DCC: variants seen among roughly 807,000 people sequenced by gnomAD.
DCC encodes the protein DCC netrin 1 receptor.
Under a neutral mutation model 172.5 loss-of-function variants are expected in DCC, and 58 were observed. The ratio of observed to expected loss-of-function variants is 0.34; its 90% CI spans 0.27 to 0.42. The LOEUF (loss-of-function observed/expected upper bound fraction) is 0.42. DCC is among the 10% of genes least tolerant of loss of function. DCC has a pLI of 1.00. For missense variants in DCC, 1,740 were observed against 1,791.0 expected (o/e 0.97, Z 0.51); for synonymous variants, 709 against 644.5 (o/e 1.10, Z -1.52).
At chr18:52,652,433 T>C (rs1216309233) in intron 1 of DCC, among the ~76,000 whole-genome samples, 1 of 152,206 alleles carries the variant, frequency 6.6e-6, no homozygotes, top group Non-Finnish European at 1.5e-5. Flanking sequence ...GGATTTTTTT[T>C]CAATACAGTC....
At chr18:52,533,029 G>T (rs188815703) in intron 1 of DCC, among the ~76,000 whole-genome samples, 1 of 151,946 alleles carries the variant, frequency 6.6e-6, no homozygotes, top group Non-Finnish European at 1.5e-5. Context: ...CATTTTATAT[G>T]TACAGGATTA....
intron 1 of DCC, among the ~76,000 whole-genome samples, chr18:52,599,995 T>G (rs990282436): frequency 1.3e-5 from 2 of 152,238 alleles, no homozygotes; most frequent in African/African-American, 4.8e-5. Context: ...CCAGTATTTA[T>G]GTAATGGATA....
At chr18:53,064,171 C>T (rs1383772241) in intron 6 of DCC, among the ~76,000 whole-genome samples, 1 of 152,138 alleles carries the variant, frequency 6.6e-6, no homozygotes, top group Non-Finnish European at 1.5e-5. Context: ...GTACTCTATT[C>T]ACTGAGTTGT....
chr18:52,659,228 G>A (rs1018411365), intron 1 of DCC, among the ~76,000 whole-genome samples: 11 of 152,064 alleles, frequency 7.2e-5, no homozygotes, highest in African/African-American at 2.7e-4. Context: ...ATAAATTAAT[G>A]AATTGATAGT....
intron 25 of DCC, among the ~76,000 whole-genome samples, chr18:53,477,572 CATT>C (rs1220540546): frequency 6.6e-6 from 1 of 152,122 alleles, no homozygotes; most frequent in Non-Finnish European, 1.5e-5. Flanking sequence ...ATTGAGGAAT[CATT>C]ATTCCTATAA....
At chr18:53,064,997 C>A (rs1388097049) in intron 6 of DCC, among the ~76,000 whole-genome samples, 1 of 152,084 alleles carries the variant, frequency 6.6e-6, no homozygotes, top group Non-Finnish European at 1.5e-5. Context: ...TTAAATTCTT[C>A]TTTTATAGGT....
chr18:53,412,448 A>G (rs1910037895), intron 20 of DCC, among the ~76,000 whole-genome samples: 1 of 152,184 alleles, frequency 6.6e-6, no homozygotes, highest in African/African-American at 2.4e-5. Flanking sequence ...TCATCATAAG[A>G]GATTTCAAGC....
chr18:52,585,040 A>C (rs2144784432), intron 1 of DCC, among the ~76,000 whole-genome samples: 1 of 152,338 alleles, frequency 6.6e-6, no homozygotes, highest in South Asian at 2.1e-4. Flanking sequence ...CGAGTAGCTA[A>C]CATATCACTA....
intron 1 of DCC, among the ~76,000 whole-genome samples, chr18:52,387,618 CCT>C: frequency 6.6e-6 from 1 of 151,096 alleles, no homozygotes; most frequent in Admixed American, 6.6e-5. Context: ...TTCCTTCCTT[CCT>C]TCCTTCCTTC....
At chr18:52,652,741 G>GTGTGTGTGTGTGTGTGTGTGTGT (rs1555709976) in intron 1 of DCC, among the ~76,000 whole-genome samples, 34 of 43,072 alleles carry the variant, frequency 7.9e-4, no homozygotes, top group African/African-American at 2.0e-3. Flanking sequence ...TGTGTGTGTG[G>GTGTGTGTGTGTGTGTGTGTGTGT]GTGGAGGAGG....
intron 3 of DCC, among the ~76,000 whole-genome samples, chr18:52,922,828 C>T (rs907649822): frequency 6.6e-6 from 1 of 152,144 alleles, no homozygotes; most frequent in Non-Finnish European, 1.5e-5. Flanking sequence ...TAACTGTCCG[C>T]AAGCCTACTT....
At chr18:52,881,122 A>G (rs114286074) in intron 2 of DCC, among the ~76,000 whole-genome samples, 2,014 of 152,228 alleles carry the variant, frequency 0.013, 33 homozygotes, top group African/African-American at 0.046. Context: ...GATGTTGAGC[A>G]CTTTTTCATA....
intron 26 of DCC, among the ~76,000 whole-genome samples, chr18:53,487,432 C>T (rs1397175282): frequency 6.6e-6 from 1 of 151,600 alleles, no homozygotes; most frequent in Non-Finnish European, 1.5e-5. Flanking sequence ...AAAGGATTTC[C>T]AGGGTATTAT....
chr18:52,490,251 T>C (rs2030433827), intron 1 of DCC, among the ~76,000 whole-genome samples: 2 of 152,130 alleles, frequency 1.3e-5, no homozygotes, highest in East Asian at 1.9e-4. Context: ...TCATCTCTTA[T>C]GCTGCAGTGA....
intron 15 of DCC, among the ~76,000 whole-genome samples, chr18:53,368,718 T>C (rs530584684): frequency 8.8e-4 from 134 of 152,198 alleles, no homozygotes; most frequent in Non-Finnish European, 1.6e-3. Context: ...CATTAAATCG[T>C]CTTGAAATCT....
chr18:53,257,793 C>T (rs939068417), intron 12 of DCC, among the ~76,000 whole-genome samples: 8 of 152,146 alleles, frequency 5.3e-5, no homozygotes, highest in African/African-American at 1.7e-4. Flanking sequence ...ATGGTACCAG[C>T]TCCTCCTTGT....
chr18:52,491,448 AG>A (rs1336716750), intron 1 of DCC, among the ~76,000 whole-genome samples: 2 of 152,132 alleles, frequency 1.3e-5, no homozygotes, highest in African/African-American at 4.8e-5. Context: ...CTTAGGAGAT[AG>A]GGAGAAGAGC....
intron 2 of DCC, among the ~76,000 whole-genome samples, chr18:52,855,845 A>C (rs1427183665): frequency 6.9e-6 from 1 of 144,392 alleles, no homozygotes; most frequent in African/African-American, 2.5e-5. Flanking sequence ...GGCTCACTGC[A>C]ACCTCTGCTT....
chr18:53,456,140 T>A (rs1417544005), intron 23 of DCC, among the ~76,000 whole-genome samples: 2 of 152,160 alleles, frequency 1.3e-5, no homozygotes, highest in African/African-American at 2.4e-5. Flanking sequence ...TTCTCTAAGA[T>A]TACAGTGACC....
Sources: allele counts gnomAD v4.1 joint callset (sites outside exome capture counted in the v4.1 genomes callset), GRCh38; gene constraint gnomAD v4.1.1; transcripts MANE v1.5; gene names NCBI Gene and HGNC (gene_info 2026-07-23, HGNC 2026-07-21).